Variants in RALGAPA2 observed in about 807,000 individuals in gnomAD.
The protein encoded by RALGAPA2 is ral GTPase-activating protein subunit alpha-2.
A neutral mutation model predicts 230.4 loss-of-function variants in RALGAPA2; 139 were observed. That is an observed-to-expected ratio of 0.60 (90% confidence interval 0.53 to 0.69). The LOEUF (loss-of-function observed/expected upper bound fraction) is 0.69. Ranked by LOEUF, RALGAPA2 falls within the 30% of genes least tolerant of loss-of-function variation. The probability of loss-of-function intolerance (pLI) is 0.00; values close to 1 mark genes in which losing one functional copy is unlikely to be tolerated. For missense variants in RALGAPA2, 2,163 were observed against 2,276.0 expected (o/e 0.95, Z 1.01); for synonymous variants, 847 against 837.8 (o/e 1.01, Z -0.19).
intron 28 of RALGAPA2, among the ~76,000 whole-genome samples, chr20:20,525,798 T>C (rs182955104): frequency 5.3e-5 from 8 of 152,294 alleles, no homozygotes; most frequent in Non-Finnish European, 1.2e-4. Flanking sequence ...ACAAAGGTTA[T>C]CGTGGTAGCA....
chr20:20,548,002 T>C (rs1327132338), intron 23 of RALGAPA2, among the ~76,000 whole-genome samples: 2 of 152,188 alleles, frequency 1.3e-5, no homozygotes, highest in African/African-American at 4.8e-5. Context: ...TATAATCTTA[T>C]AGGACCACCA....
chr20:20,572,722 AT>A (rs1321127545), intron 21 of RALGAPA2, among the ~76,000 whole-genome samples, 152 bp downstream of exon 21: 2 of 152,230 alleles, frequency 1.3e-5, no homozygotes, highest in African/African-American at 4.8e-5. Flanking sequence ...GTCATGTTAT[AT>A]ATGATTATTC....
intron 4 of RALGAPA2, among the ~76,000 whole-genome samples, chr20:20,653,051 C>A (rs1268771636): frequency 1.3e-5 from 2 of 151,698 alleles, no homozygotes; most frequent in Non-Finnish European, 2.9e-5. Flanking sequence ...AAAAAATTAG[C>A]CGGGCATGGT....
intron 23 of RALGAPA2, among the ~76,000 whole-genome samples, chr20:20,550,985 A>G (rs1271038503): frequency 6.6e-6 from 1 of 152,234 alleles, no homozygotes; most frequent in African/African-American, 2.4e-5. Flanking sequence ...TGGCACACAA[A>G]CAAGCCTCTT....
intron 37 of RALGAPA2, 59 bp downstream of exon 37, chr20:20,472,770 T>G (rs1204702948): frequency 3.2e-6 from 5 of 1,549,016 alleles, no homozygotes; most frequent in Non-Finnish European, 4.4e-6. Context: ...TATGAAAAAC[T>G]GCCAGGAATC....
At chr20:20,529,971 G>C (rs2063326211) in intron 27 of RALGAPA2, among the ~76,000 whole-genome samples, 3 of 152,140 alleles carry the variant, frequency 2.0e-5, no homozygotes, top group South Asian at 4.1e-4. Flanking sequence ...TTCAAAAACA[G>C]ATCTTGGAAT....
chr20:20,607,168 A>G (rs921038876), intron 14 of RALGAPA2, among the ~76,000 whole-genome samples: 1 of 152,018 alleles, frequency 6.6e-6, no homozygotes, highest in Non-Finnish European at 1.5e-5. Flanking sequence ...AATTATATAT[A>G]GATTTTTTAA....
chr20:20,700,058 A>G (rs1298140724), intron 1 of RALGAPA2, among the ~76,000 whole-genome samples: 1 of 152,184 alleles, frequency 6.6e-6, no homozygotes, highest in Non-Finnish European at 1.5e-5. Context: ...AATCAACCTA[A>G]CTGCCCATTA....
chr20:20,702,782 T>C (rs1568776301), intron 1 of RALGAPA2, among the ~76,000 whole-genome samples: 1 of 152,320 alleles, frequency 6.6e-6, no homozygotes, highest in East Asian at 1.9e-4. Flanking sequence ...TCAATGAATA[T>C]GTGTCATCAC....
chr20:20,549,686 A>G (rs561988730), intron 23 of RALGAPA2, among the ~76,000 whole-genome samples: 221 of 152,342 alleles, frequency 1.5e-3, no homozygotes, highest in South Asian at 0.01. Flanking sequence ...TGGTACTCAA[A>G]GAAGAGCCGC....
chr20:20,573,173 G>A, intron 20 of RALGAPA2, 105 bp from the exon 21 acceptor site: 3 of 1,006,846 alleles, frequency 3.0e-6, no homozygotes, highest in South Asian at 2.5e-5. Flanking sequence ...AAATAATTAA[G>A]GCAAAAAATG....
Position 20,553,540 on chromosome 20 carries a change from C to T in RALGAPA2, c.3157-6708G>A, listed in dbSNP as rs115370864. Among the ~76,000 whole-genome samples the T allele has an allele frequency of 5.0e-3, 753 of 151,574 alleles. 7 individuals carry two copies. The highest frequency in any genetic ancestry group is 0.017 in the African/African-American group (715 of 41,186). On this transcript the variant is annotated intron_variant, in intron 23 of 39. Transcript: ENST00000202677. ...GCATTCCAGCCCAGGCAACAGAGAG[C>T]GAATCTATCTTAAAAAAAAACAAAA...
At chr20:20,403,992 A>T (rs1021538793) in intron 38 of RALGAPA2, among the ~76,000 whole-genome samples, 1 of 152,238 alleles carries the variant, frequency 6.6e-6, no homozygotes, top group Admixed American at 6.5e-5. Context: ...CACAGGTCAC[A>T]GCTGAGTGCT....
chr20:20,503,381 C>T lies in RALGAPA2; in HGVS notation c.5178G>A (p.Pro1726=), dbSNP rs551194312. Residue 1726 remains proline (P), a synonymous_variant, in exon 35 of 40, where the codon CCG becomes CCA. Coordinates refer to ENST00000202677, the MANE Select transcript of RALGAPA2 (RefSeq NM_020343.4). ...TGGTGAGGGAATCATCTGAGTCTGA[C>T]GGCATTCGAGTGGAAACATGGAAAA... ...EVIFHVSTRM[P]SDSDDSLTKK... is the part of the protein sequence containing the mutation. The T allele has an allele frequency of 4.2e-5, 67 of 1,601,132 alleles. No individual in the cohort carries two copies. The African/African-American group carries it at 4.6e-4, about 11-fold the overall frequency.
intron 36 of RALGAPA2, among the ~76,000 whole-genome samples, chr20:20,479,548 C>T (rs2061726996): frequency 6.6e-6 from 1 of 152,182 alleles, no homozygotes; most frequent in South Asian, 2.1e-4. Flanking sequence ...CCTCAAAAGA[C>T]ATTTAAACAA....
intron 4 of RALGAPA2, among the ~76,000 whole-genome samples, chr20:20,646,403 T>G (rs1014113069): frequency 1.6e-4 from 25 of 152,228 alleles, no homozygotes; most frequent in Non-Finnish European, 2.6e-4. Flanking sequence ...TCATTTTGTT[T>G]TAATTTTTAA....
Position 20,546,832 on chromosome 20 carries a change from C to A in RALGAPA2, c.3157G>T (p.Asp1053Tyr). ...MHLGLTSEDQ[D>Y]ILNTIIRHCP... Reference sequence around the variant, plus strand: ...TGCCTTATGATCGTATTTAAGATATCCTAAAAGGGAAGATAAGAAAAAACA... The same window carrying A: ...TGCCTTATGATCGTATTTAAGATATACTAAAAGGGAAGATAAGAAAAAACA... The change falls in exon 24 of 40, where the codon GAT becomes TAT. Residue 1053 changes from aspartate (D) to tyrosine (Y), a missense_variant and splice_region_variant. Coordinates refer to ENST00000202677, the MANE Select transcript of RALGAPA2 (RefSeq NM_020343.4). The A allele has an allele frequency of 1.3e-6, 2 of 1,572,270 alleles. No individual in the cohort carries two copies. The highest frequency in any genetic ancestry group is 2.3e-5 in the East Asian group (1 of 44,234).
intron 23 of RALGAPA2, among the ~76,000 whole-genome samples, chr20:20,555,826 T>C: frequency 6.6e-6 from 1 of 152,224 alleles, no homozygotes; most frequent in South Asian, 2.1e-4. Context: ...CTTGAGGTTT[T>C]CCAAATACAA....
Position 20,415,119 on chromosome 20 carries a change from C to T in RALGAPA2, c.5496-2971G>A, listed in dbSNP as rs191615513. On this transcript the variant is annotated intron_variant, in intron 37 of 39. Transcript: ENST00000202677. Reference sequence around the variant, plus strand: ...ATCTTAACTGAATTAATTGCAAGGGCAATTTGGAGCAGTATCATCTGACAT... The same window carrying T: ...ATCTTAACTGAATTAATTGCAAGGGTAATTTGGAGCAGTATCATCTGACAT... Among the ~76,000 whole-genome samples, 31 of 152,360 alleles carry T rather than the reference C, an allele frequency of 2.0e-4. No homozygotes were observed. In the East Asian group the frequency reaches 5.2e-3, roughly 26 times the overall value.
Sources: gnomAD v4.1 joint callset for allele counts (sites outside exome capture counted in the v4.1 genomes callset) on GRCh38, gnomAD v4.1.1 for gene constraint, MANE v1.5 for transcripts, NCBI Gene and HGNC (gene_info 2026-07-23, HGNC 2026-07-21) for gene names.